The following SLC27A2 variants were observed in gnomAD, a reference collection of about 807,000 sequenced individuals.
SLC27A2 encodes the protein solute carrier family 27 member 2.
A neutral mutation model predicts 60.0 loss-of-function variants in SLC27A2; 54 were observed. The ratio of observed to expected loss-of-function variants is 0.90; its 90% CI spans 0.72 to 1.13. The LOEUF (loss-of-function observed/expected upper bound fraction) is 1.13, where lower values mean the gene tolerates loss of function less well. Among genes scored for constraint, SLC27A2 ranks in the 50% most tolerant of loss-of-function variants. SLC27A2 has a pLI of 0.00. For missense variants in SLC27A2, 739 were observed against 777.6 expected, an observed-to-expected ratio of 0.95 and a Z score of 0.59; for synonymous variants, 297 against 297.6, an observed-to-expected ratio of 1.00 and a Z score of 0.02.
Position 50,216,595 on chromosome 15 carries a change from G to GGTGTGTGTGTGTGTGTGT in SLC27A2, c.973-6354_973-6353insGTGTGTGTGTGTGTGTGT, listed in dbSNP as rs371273005. On this transcript the variant is annotated intron_variant, in intron 4 of 9. Coordinates refer to ENST00000267842, the MANE Select transcript of SLC27A2 (RefSeq NM_003645.4). Reference sequence around the variant, plus strand: ...ATCAACAAGTGGATAAAGAAACTGTGGTGTGTGTGTGTGTGTATATATATA... The same window carrying GGTGTGTGTGTGTGTGTGT: ...ATCAACAAGTGGATAAAGAAACTGTGGTGTGTGTGTGTGTGTGTGTGTGTGTGTGTGTGTATATATATA... Among the ~76,000 whole-genome samples the GGTGTGTGTGTGTGTGTGT allele has an allele frequency of 1.1e-3, 80 of 69,882 alleles. 6 individuals carry two copies. Among genetic ancestry groups the GGTGTGTGTGTGTGTGTGT allele is most frequent in the South Asian group, 1.9e-3 (4 of 2,056 alleles). The allele number at this position is 69,882 out of a possible 152,430, so 45.8% of individuals were successfully genotyped here.
At chr15:50,221,759 A>C (rs983622674) in intron 4 of SLC27A2, 3 of 152,258 alleles carry the variant, frequency 2.0e-5, no homozygotes, top group African/African-American at 7.2e-5. Flanking sequence ...ATCCTGATAG[A>C]ATAAAGGTCA....
intron 4 of SLC27A2, among the ~76,000 whole-genome samples, chr15:50,212,093 A>T (rs1463580848): frequency 6.8e-6 from 1 of 147,346 alleles, no homozygotes; most frequent in Non-Finnish European, 1.5e-5. Context: ...AAAAAAAAGT[A>T]AATGAAAAAA....
At position 50,223,030 on chromosome 15, in the gene SLC27A2, G is replaced by C; in HGVS notation, c.1038G>C (p.Trp346Cys). 1 of 1,613,972 alleles carries C rather than the reference G, an allele frequency of 6.2e-7. No individual in the cohort carries two copies. Among genetic ancestry groups the C allele is most frequent in the African/African-American group, 1.3e-5 (1 of 75,014 alleles). The change falls in exon 5 of 10, where the codon TGG becomes TGC. Residue 346 changes from tryptophan (W) to cysteine (C), a missense_variant. Trp to Cys is a radical substitution (Grantham distance 215). Transcript: ENST00000267842. ...ALGNGLRGDV[W>C]RQFVKRFGDI... ...GAAATGGCTTACGAGGAGATGTGTGGAGACAATTTGTCAAGAGATTTGGGG... is the reference window on the plus strand; with the variant it reads ...GAAATGGCTTACGAGGAGATGTGTGCAGACAATTTGTCAAGAGATTTGGGG...
At chr15:50,204,490 T>C (rs1288890197) in intron 3 of SLC27A2, among the ~76,000 whole-genome samples, 2 of 151,122 alleles carry the variant, frequency 1.3e-5, no homozygotes, top group Admixed American at 6.6e-5. Flanking sequence ...TCTCAGCACT[T>C]TGGGAGGCCA....
intron 4 of SLC27A2, among the ~76,000 whole-genome samples, chr15:50,212,109 C>G (rs901034827): frequency 1.4e-5 from 2 of 143,644 alleles, no homozygotes; most frequent in African/African-American, 5.1e-5. Flanking sequence ...AAAAAACAAG[C>G]AAAAATTCAG....
At chr15:50,223,639 A>G (rs1028640130) in intron 5 of SLC27A2, among the ~76,000 whole-genome samples, 5 of 152,136 alleles carry the variant, frequency 3.3e-5, no homozygotes, top group Non-Finnish European at 7.3e-5. Flanking sequence ...TCTGGTGAAC[A>G]TTTATGTCTA....
chr15:50,216,111 A>C (rs745596217), intron 4 of SLC27A2, among the ~76,000 whole-genome samples: 1 of 152,218 alleles, frequency 6.6e-6, no homozygotes, highest in Non-Finnish European at 1.5e-5. Flanking sequence ...CAAATCAGTA[A>C]GAGAAAAACA....
chr15:50,193,348 T>G (rs892289840), intron 1 of SLC27A2, among the ~76,000 whole-genome samples: 1 of 152,210 alleles, frequency 6.6e-6, no homozygotes, highest in Non-Finnish European at 1.5e-5. Context: ...CTGGGCTCTA[T>G]GAAAACAGGG....
intron 1 of SLC27A2, among the ~76,000 whole-genome samples, chr15:50,191,265 C>G (rs545081043): frequency 6.6e-6 from 1 of 152,324 alleles, no homozygotes; most frequent in South Asian, 2.1e-4. Flanking sequence ...TGGGTGCATG[C>G]TCTGATGTGC....
At chr15:50,219,218 T>C (rs1297279596) in intron 4 of SLC27A2, among the ~76,000 whole-genome samples, 1 of 152,250 alleles carries the variant, frequency 6.6e-6, no homozygotes, top group East Asian at 1.9e-4. Flanking sequence ...GAAAGAAGTA[T>C]AAGCATTTAA....
chr15:50,182,469 C>A lies in SLC27A2; in HGVS notation c.42C>A (p.Phe14Leu), dbSNP rs1301088810. Residue 14 changes from phenylalanine to leucine, a missense_variant, in exon 1 of 10, where the codon TTC becomes TTA. Coordinates refer to ENST00000267842, the MANE Select transcript of SLC27A2 (RefSeq NM_003645.4). ...ACACAGTCCTGGCGGGACTGCTGTT[C>A]CTGCCGCTCCTGGTGAACCTCTGCT... ...AIYTVLAGLLFLPLLVNLCCP... is the reference protein window; with the variant it reads ...AIYTVLAGLLLLPLLVNLCCP... 5 of 1,608,950 alleles carry A rather than the reference C, an allele frequency of 3.1e-6. No individual in the cohort carries two copies. The highest frequency in any genetic ancestry group is 3.4e-6 in the Non-Finnish European group (4 of 1,177,908).
At chr15:50,199,618 T>C (rs1392352757) in intron 2 of SLC27A2, among the ~76,000 whole-genome samples, 3 of 152,214 alleles carry the variant, frequency 2.0e-5, no homozygotes, top group Non-Finnish European at 4.4e-5. Flanking sequence ...TTTTACTTTT[T>C]TCATTTTCTC....
intron 2 of SLC27A2, among the ~76,000 whole-genome samples, chr15:50,201,171 G>A (rs1472342784): frequency 6.6e-6 from 1 of 152,100 alleles, no homozygotes; most frequent in Non-Finnish European, 1.5e-5. Flanking sequence ...TTTTGTAGAG[G>A]AGGGGTCTCA....
chr15:50,188,714 C>T (rs910229366), intron 1 of SLC27A2, among the ~76,000 whole-genome samples: 2 of 152,246 alleles, frequency 1.3e-5, no homozygotes, highest in Non-Finnish European at 2.9e-5. Context: ...AATCCCAACA[C>T]TTTGGGAGGC....
rs769411618 is a variant in SLC27A2, at chr15:50,222,944, CCTT to C, written c.973-15_973-13del. On this transcript the variant is annotated intron_variant, in intron 4 of 9. Coordinates refer to ENST00000267842, the MANE Select transcript of SLC27A2 (RefSeq NM_003645.4). ...CTCCAGAGATGTTTCAGTTTGGTCT[CCTT>C]CTTCTCCCCCACCACAGAAACCAAA... 44 of 1,584,152 alleles carry C rather than the reference CCTT, an allele frequency of 2.8e-5. No homozygotes were observed. The African/African-American group carries it at 3.8e-4, about 14-fold the overall frequency.
At chr15:50,235,077 T>C (rs1395202461) in intron 9 of SLC27A2, among the ~76,000 whole-genome samples, 1 of 152,128 alleles carries the variant, frequency 6.6e-6, no homozygotes. Context: ...AACCCTTTGG[T>C]TGGTTTAATA....
chr15:50,191,699 T>C (rs1000293424), intron 1 of SLC27A2, among the ~76,000 whole-genome samples: 4 of 152,186 alleles, frequency 2.6e-5, no homozygotes, highest in Non-Finnish European at 2.9e-5. Context: ...CATGTTCTGA[T>C]TGATAGATGA....
intron 2 of SLC27A2, 60 bp downstream of exon 2, chr15:50,197,769 A>G: frequency 1.6e-6 from 2 of 1,261,036 alleles, no homozygotes; most frequent in Non-Finnish European, 2.3e-6. Flanking sequence ...ATGTTGACAC[A>G]GGTTTTCAAA....
At chr15:50,187,690 TATAA>T (rs2044935958) in intron 1 of SLC27A2, among the ~76,000 whole-genome samples, 2 of 152,204 alleles carry the variant, frequency 1.3e-5, no homozygotes, top group African/African-American at 4.8e-5. Context: ...CCAGGTAAGT[TATAA>T]AACGTTCCAG....
Sources: gnomAD v4.1 joint callset for allele counts (sites outside exome capture counted in the v4.1 genomes callset) on GRCh38, gnomAD v4.1.1 for gene constraint, MANE v1.5 for transcripts, NCBI Gene and HGNC (gene_info 2026-07-23, HGNC 2026-07-21) for gene names.